The following ABCF2 variants were observed in gnomAD, a reference collection of about 807,000 sequenced individuals.
ABCF2 encodes the protein ATP-binding cassette sub-family F member 2.
ABCF2 carries 37 observed loss-of-function variants against 76.9 expected under a neutral mutation model. That is an observed-to-expected ratio of 0.48 (90% CI 0.37 to 0.63). The LOEUF is 0.63. Among genes scored for constraint, ABCF2 ranks in the 30% least tolerant of loss-of-function variants. ABCF2 has a pLI of 0.00. For missense variants in ABCF2, 524 were observed against 782.1 expected (o/e 0.67, Z 3.94); for synonymous variants, 299 against 283.7 (o/e 1.05, Z -0.54).
In ABCF2 at chr7:151,226,340, G is replaced by A; in HGVS notation, c.119C>T (p.Ala40Val). Residue 40 changes from alanine to valine, a missense_variant, in exon 2 of 15, where the codon GCA becomes GTA. Coordinates refer to ENST00000287844, the MANE Select transcript of ABCF2 (RefSeq NM_007189.3). Reference sequence around the variant, plus strand: ...TCTGCCATTGGCCTCATTCTTCTCTGCCACCTGTGGTTCTGTGACAACATC... The same window carrying A: ...TCTGCCATTGGCCTCATTCTTCTCTACCACCTGTGGTTCTGTGACAACATC... Reference protein sequence around the residue: ...NGDVVTEPQVAEKNEANGRET... With the variant: ...NGDVVTEPQVVEKNEANGRET... 1 of 1,613,994 alleles carries A rather than the reference G, an allele frequency of 6.2e-7. No individual in the cohort carries two copies. The highest frequency in any genetic ancestry group is 8.5e-7 in the Non-Finnish European group (1 of 1,179,972).
chr7:151,220,616 AC>A (rs1229808341), intron 7 of ABCF2, among the ~76,000 whole-genome samples: 3 of 152,062 alleles, frequency 2.0e-5, no homozygotes, highest in Non-Finnish European at 2.9e-5. Context: ...TGAGATCCTG[AC>A]CCCCATTCTC....
At chr7:151,221,553 C>A in intron 7 of ABCF2, 25 bp downstream of exon 7, 2 of 1,353,222 alleles carry the variant, frequency 1.5e-6, no homozygotes, top group Non-Finnish European at 2.1e-6. Context: ...ACAGAGATTA[C>A]CAGAAGAAGC....
At position 151,212,303 on chromosome 7, in the gene ABCF2, C is replaced by A. The variant is rs114917054; in HGVS notation, c.*1751G>T. The A allele has an allele frequency of 1.4e-3, 1,408 of 985,414 alleles. 16 individuals are homozygous for A. The African/African-American group carries it at 0.023, about 16-fold the overall frequency. 61.0% of individuals were successfully genotyped at this position (985,414 alleles called of 1,614,324 possible). ...GTTCAAAAGACCCAGATAAGGTATG[C>A]AGAGCCCTGGGCTGGAAGTGAATTC... On this transcript the variant is annotated 3_prime_UTR_variant, in exon 15 of 15. Transcript: ENST00000287844.
chr7:151,211,849 G>A lies in ABCF2; in HGVS notation c.*2205C>T. ...AAGCCAGTACCCTCTGGGGTCAGAG[G>A]ACTCCCATCTGTCTCAGCTGCAGTG... On this transcript the variant is annotated 3_prime_UTR_variant, in exon 15 of 15. Transcript: ENST00000287844. 1.0e-6 allele frequency: 1 copy of A among 985,368 alleles called. No homozygotes were observed. The highest frequency in any genetic ancestry group is 1.2e-6 in the Non-Finnish European group (1 of 829,920). The allele number at this position is 985,368 out of a possible 1,614,324, so 61.0% of individuals were successfully genotyped here. A position where few individuals can be genotyped will look rare whatever the true frequency, so the allele number is the denominator to read the frequency against.
chr7:151,222,659 T>C (rs1584845027), intron 5 of ABCF2, 43 bp from the exon 6 acceptor site: 2 of 1,536,792 alleles, frequency 1.3e-6, no homozygotes, highest in East Asian at 2.3e-5. Context: ...AGAATTATAA[T>C]GGATGTGACA....
chr7:151,223,796 C>A lies in ABCF2; in HGVS notation c.604G>T (p.Asp202Tyr). ...CGCGAGGCCCTCATCTCTGCCTTGT[C>A]GGCATCCAGCTCCTCCAGGCGCTCG... Reference protein sequence around the residue: ...LYERLEELDADKAEMRASRIL... With the variant: ...LYERLEELDAYKAEMRASRIL... Residue 202 changes from aspartate (D) to tyrosine (Y), a missense_variant, in exon 5 of 15, where the codon GAC becomes TAC. Asp to Tyr is a radical substitution (Grantham distance 160, BLOSUM62 -3). Around this residue, in one of 2 missense-constraint regions of ABCF2, gnomAD observed 330 missense variants for 433.6 expected, o/e 0.76. Transcript: ENST00000287844. 1 of 1,613,876 alleles carries A rather than the reference C, an allele frequency of 6.2e-7. No homozygotes were observed. The highest frequency in any genetic ancestry group is 1.1e-5 in the South Asian group (1 of 91,052).
chr7:151,221,932 G>T, intron 6 of ABCF2: 1 of 448,200 alleles, frequency 2.2e-6, no homozygotes, highest in Non-Finnish European at 4.1e-6. Flanking sequence ...ATGGGATGGA[G>T]ACGGTAGTAA....
At chr7:151,221,778 C>T (rs1802273261) in intron 6 of ABCF2, 98 bp from the exon 7 acceptor site, 1 of 854,864 alleles carries the variant, frequency 1.2e-6, no homozygotes, top group African/African-American at 1.7e-5. Context: ...CCCTAAGCAC[C>T]TTTTAGATGT....
intron 2 of ABCF2, among the ~76,000 whole-genome samples, chr7:151,226,094 C>T (rs1802366577): frequency 6.6e-6 from 1 of 152,248 alleles, no homozygotes; most frequent in Non-Finnish European, 1.5e-5. Context: ...CTCACATCCG[C>T]TTGCCACTGA....
chr7:151,227,180 C>G lies in ABCF2; in HGVS notation c.-60G>C, dbSNP rs1191354297. 1 of 152,298 alleles carries G rather than the reference C, an allele frequency of 6.6e-6. No homozygotes were observed. The highest frequency in any genetic ancestry group is 6.5e-5 in the Admixed American group (1 of 15,278). 9.4% of individuals were successfully genotyped at this position (152,298 alleles called of 1,614,324 possible). On this transcript the variant is annotated 5_prime_UTR_variant, in exon 1 of 15. Transcript: ENST00000287844. ...TAACTCACTGGGCCTCGCTGCTCGG[C>G]CTATGTCGCAACAGAGCTGCTCCTT...
Position 151,224,032 on chromosome 7 carries a change from C to G in ABCF2, c.450G>C (p.Glu150Asp). 6.2e-7 allele frequency: 1 copy of G among 1,614,182 alleles called. No individual in the cohort carries two copies. The highest frequency in any genetic ancestry group is 1.6e-4 in the Middle Eastern group (1 of 6,062). ...EHIDIYHLTREMPPSDKTPLH... is the reference protein window; with the variant it reads ...EHIDIYHLTRDMPPSDKTPLH... ...AGGGTGTCTTGTCACTAGGGGGCATCTCTCGAGTCAGATGGTAGATGTCGA... is the reference window on the plus strand; with the variant it reads ...AGGGTGTCTTGTCACTAGGGGGCATGTCTCGAGTCAGATGGTAGATGTCGA... The change falls in exon 4 of 15, where the codon GAG becomes GAC. Residue 150 changes from glutamate (E) to aspartate (D), a missense_variant. Glu to Asp is a conservative substitution (Grantham distance 45, BLOSUM62 2). This residue lies in a region of ABCF2 where 330 missense variants were observed against 433.6 expected (regional missense o/e 0.76). Coordinates refer to ENST00000287844, the MANE Select transcript of ABCF2 (RefSeq NM_007189.3).
At chr7:151,224,736 T>G (rs1416084422) in intron 3 of ABCF2, 40 bp downstream of exon 3, 1 of 1,537,796 alleles carries the variant, frequency 6.5e-7, no homozygotes, top group Non-Finnish European at 9.0e-7. Flanking sequence ...ACAGATGAGC[T>G]AAGGAGAGAT....
rs1240701111 is a variant in ABCF2 at position 151,215,738 on chromosome 7, G to A, written c.1402-6C>T. 2 of 1,614,134 alleles carry A rather than the reference G, an allele frequency of 1.2e-6. No individual in the cohort carries two copies. The highest frequency in any genetic ancestry group is 1.7e-5 in the Admixed American group (1 of 60,018). On this transcript the variant is annotated splice_polypyrimidine_tract_variant and splice_region_variant and intron_variant, in intron 12 of 14. Transcript: ENST00000287844. This position sits in a 1 kb window ranked among gnomAD's most constrained non-coding sequence, Gnocchi z 4.6. Reference sequence around the variant, plus strand: ...TCCAGCTGCTCTTGTAAATGCTACAGGAAAAATGGAAGCCACCCGGGTGTG... The same window carrying A: ...TCCAGCTGCTCTTGTAAATGCTACAAGAAAAATGGAAGCCACCCGGGTGTG...
rs1177739692 is a variant in ABCF2 at position 151,221,534 on chromosome 7, T to C, written c.921+44A>G. The C allele has an allele frequency of 3.5e-6, 4 of 1,140,204 alleles. No individual in the cohort carries two copies. In the Admixed American group the frequency reaches 6.2e-5, roughly 18 times the overall value. The allele number at this position is 1,140,204 out of a possible 1,614,324, so 70.6% of individuals were successfully genotyped here. Reference sequence around the variant, plus strand: ...TTTTTTTAAAGAGAATTTCAGAGAATTGGTATGCACAGAGATTACCAGAAG... The same window carrying C: ...TTTTTTTAAAGAGAATTTCAGAGAACTGGTATGCACAGAGATTACCAGAAG... On this transcript the variant is annotated intron_variant, in intron 7 of 14. Transcript: ENST00000287844.
intron 5 of ABCF2, among the ~76,000 whole-genome samples, chr7:151,222,848 G>A (rs759227385): frequency 6.6e-6 from 1 of 152,178 alleles, no homozygotes; most frequent in Non-Finnish European, 1.5e-5. Flanking sequence ...AGGACAGTTC[G>A]AGGCAAGGCT....
rs1223376145 is a variant in ABCF2 at position 151,214,671 on chromosome 7, T to C, written c.1734+208A>G. 6.6e-6 allele frequency among the ~76,000 whole-genome samples: 1 copy of C among 152,208 alleles called. No individual in the cohort carries two copies. The highest frequency in any genetic ancestry group is 1.5e-5 in the Non-Finnish European group (1 of 68,036). On this transcript the variant is annotated intron_variant, in intron 14 of 14. Transcript: ENST00000287844. The surrounding 1 kb of genome is among the most constrained non-coding windows in gnomAD (Gnocchi z 4.9). ...TGCTAAGTTGGTTGACATCTCCAGATAGCTACTGAAGAAATGAAGTGTTTC... is the reference window on the plus strand; with the variant it reads ...TGCTAAGTTGGTTGACATCTCCAGACAGCTACTGAAGAAATGAAGTGTTTC...
In ABCF2 at chr7:151,224,663, C is replaced by A; in HGVS notation, c.367+113G>T. The stretch of plus-strand genomic sequence containing the variant: ...CTTTCCCCTGGACATAATCTGGTCT[C>A]CCATCCCTATTCTAAATGCTTTGCT... On this transcript the variant is annotated intron_variant, in intron 3 of 14. Coordinates refer to ENST00000287844, the MANE Select transcript of ABCF2 (RefSeq NM_007189.3). 1.1e-5 allele frequency: 11 copies of A among 989,474 alleles called. No homozygotes were observed. In the South Asian group the frequency reaches 1.5e-4, roughly 13 times the overall value. The allele number at this position is 989,474 out of a possible 1,614,324, so 61.3% of individuals were successfully genotyped here.
intron 8 of ABCF2, 92 bp from the exon 9 acceptor site, chr7:151,218,965 C>T: frequency 5.0e-6 from 8 of 1,608,904 alleles, no homozygotes; most frequent in South Asian, 1.1e-5. Context: ...AACTTCTTCC[C>T]GACATCCTCC....
intron 7 of ABCF2, among the ~76,000 whole-genome samples, chr7:151,219,815 G>A (rs1802230501): frequency 6.6e-6 from 1 of 152,240 alleles, no homozygotes; most frequent in African/African-American, 2.4e-5. Flanking sequence ...AATTGTAACT[G>A]TGGCCAGGTG....
Sources: gnomAD v4.1 joint callset for allele counts (sites outside exome capture counted in the v4.1 genomes callset) on GRCh38, gnomAD v4.1.1 for gene constraint, gnomAD v4.1.1 regional missense constraint, Gnocchi (gnomAD v3.1) non-coding constraint, MANE v1.5 for transcripts, NCBI Gene and HGNC (gene_info 2026-07-23, HGNC 2026-07-21) for gene names.